CFAP299: variants seen among roughly 807,000 people sequenced by gnomAD.
CFAP299 encodes the protein cilia and flagella associated protein 299.
A neutral mutation model predicts 27.0 loss-of-function variants in CFAP299; 21 were observed. That is an observed-to-expected ratio of 0.78 (90% confidence interval 0.55 to 1.12). The LOEUF (loss-of-function observed/expected upper bound fraction) is 1.12. Among genes scored for constraint, CFAP299 ranks in the 50% most tolerant of loss-of-function variants. The probability of loss-of-function intolerance (pLI) is 0.00; values close to 1 mark genes in which losing one functional copy is unlikely to be tolerated. For synonymous variants in CFAP299, 104 were observed against 98.1 expected (o/e 1.06, Z -0.36); for missense variants, 310 against 276.6 (o/e 1.12, Z -0.86).
intron 4 of CFAP299, among the ~76,000 whole-genome samples, chr4:80,916,295 A>ATATATAT (rs1405206483): frequency 8.0e-6 from 1 of 125,570 alleles, no homozygotes; most frequent in Admixed American, 8.1e-5. Context: ...ATATATATAT[A>ATATATAT]TTTCAGGTAC....
At chr4:80,323,699 T>C in the CFAP299 span, among the ~76,000 whole-genome samples, 1 of 152,174 alleles carries the variant, frequency 6.6e-6, no homozygotes, top group Non-Finnish European at 1.5e-5. Flanking sequence ...AAGCAAATAT[T>C]TTATAAACAT....
chr4:80,501,625 A>G (rs1731750833), intron 2 of CFAP299, among the ~76,000 whole-genome samples: 1 of 150,796 alleles, frequency 6.6e-6, no homozygotes, highest in Non-Finnish European at 1.5e-5. Flanking sequence ...AAATTAGAAG[A>G]TATTTTTTCA....
intron 2 of CFAP299, 43 bp downstream of exon 2, chr4:80,362,927 A>G: frequency 6.4e-7 from 1 of 1,551,144 alleles, no homozygotes; most frequent in Non-Finnish European, 8.7e-7. Context: ...GTTATATTCT[A>G]GACCTCTGGA....
At chr4:80,374,852 C>T (rs1724325540) in intron 2 of CFAP299, among the ~76,000 whole-genome samples, 1 of 152,084 alleles carries the variant, frequency 6.6e-6, no homozygotes, top group Non-Finnish European at 1.5e-5. Context: ...CATGGCATCC[C>T]AGCTTAAAAC....
intron 2 of CFAP299, among the ~76,000 whole-genome samples, chr4:80,495,598 T>C (rs11099248): frequency 0.16 from 23,665 of 152,168 alleles, 2,804 homozygotes; most frequent in African/African-American, 0.33. Context: ...GGCCAGGCGT[T>C]TGAGATCAGC....
rs187255177 is a variant in CFAP299 at position 80,563,821 on chromosome 4, G to C, written c.243-19272G>C. ...TCTAACCAGGTAACAAAGAAAAAAAGAAAGACTATCCAAATAAATAAAATC... is the reference window on the plus strand; with the variant it reads ...TCTAACCAGGTAACAAAGAAAAAAACAAAGACTATCCAAATAAATAAAATC... On this transcript the variant is annotated intron_variant, in intron 2 of 5. Coordinates refer to ENST00000358105, the MANE Select transcript of CFAP299 (RefSeq NM_152770.3). Among the ~76,000 whole-genome samples the C allele has an allele frequency of 1.1e-3, 171 of 151,992 alleles. 1 individual carries two copies. The highest frequency in any genetic ancestry group is 2.0e-3 in the Non-Finnish European group (133 of 67,876).
chr4:80,762,945 A>G (rs943353545), intron 3 of CFAP299, among the ~76,000 whole-genome samples: 1 of 152,134 alleles, frequency 6.6e-6, no homozygotes, highest in African/African-American at 2.4e-5. Context: ...TTCTCTTTCA[A>G]ATCTTATTTT....
intron 2 of CFAP299, among the ~76,000 whole-genome samples, chr4:80,439,430 C>G (rs865941949): frequency 6.6e-6 from 1 of 152,282 alleles, no homozygotes; most frequent in Middle Eastern, 3.4e-3. Context: ...TCACCTCACC[C>G]GGGAAGCTCA....
chr4:80,502,718 T>C (rs996721167), intron 2 of CFAP299, among the ~76,000 whole-genome samples: 2 of 152,100 alleles, frequency 1.3e-5, no homozygotes, highest in Admixed American at 1.3e-4. Flanking sequence ...AAACTCACTG[T>C]GATGGTATTC....
At position 80,826,075 on chromosome 4, in the gene CFAP299, G is replaced by A. The variant is rs116267393; in HGVS notation, c.334-43918G>A. Among the ~76,000 whole-genome samples the A allele has an allele frequency of 5.6e-3, 852 of 151,888 alleles. 5 individuals are homozygous for A. Among genetic ancestry groups the A allele is most frequent in the Non-Finnish European group, 8.7e-3 (587 of 67,782 alleles). ...TATAAAGGTGTAATGTTGTGATAACGATAATGAAAGGAGTGAGGATGAAAC... is the reference window on the plus strand; with the variant it reads ...TATAAAGGTGTAATGTTGTGATAACAATAATGAAAGGAGTGAGGATGAAAC... On this transcript the variant is annotated intron_variant, in intron 3 of 5. Coordinates refer to ENST00000358105, the MANE Select transcript of CFAP299 (RefSeq NM_152770.3).
At chr4:80,444,161 G>A (rs1160224429) in intron 2 of CFAP299, among the ~76,000 whole-genome samples, 1 of 152,036 alleles carries the variant, frequency 6.6e-6, no homozygotes, top group Non-Finnish European at 1.5e-5. Flanking sequence ...AGTTTCTTTA[G>A]AGAATTAGAA....
chr4:80,877,232 C>T (rs1733427999), intron 4 of CFAP299, among the ~76,000 whole-genome samples: 1 of 152,118 alleles, frequency 6.6e-6, no homozygotes, highest in Non-Finnish European at 1.5e-5. Flanking sequence ...AATTCTTTTA[C>T]AGATAAATTT....
chr4:80,805,644 G>A (rs1019206234), intron 3 of CFAP299, among the ~76,000 whole-genome samples: 5 of 152,020 alleles, frequency 3.3e-5, no homozygotes, highest in African/African-American at 1.2e-4. Context: ...AGGAGTTCAA[G>A]ACTAGCGTGG....
intron 2 of CFAP299, among the ~76,000 whole-genome samples, chr4:80,407,776 A>G (rs1290290637): frequency 6.6e-6 from 1 of 152,144 alleles, no homozygotes. Context: ...ATTAACCAAC[A>G]TTGTGAATTC....
At chr4:80,687,007 C>A (rs1720245611) in intron 3 of CFAP299, among the ~76,000 whole-genome samples, 1 of 152,210 alleles carries the variant, frequency 6.6e-6, no homozygotes, top group Non-Finnish European at 1.5e-5. Context: ...GCAAATGTTA[C>A]TCTTCTTCCT....
intron 2 of CFAP299, among the ~76,000 whole-genome samples, chr4:80,464,048 C>T (rs947088300): frequency 1.3e-4 from 20 of 152,024 alleles, no homozygotes; most frequent in Non-Finnish European, 1.0e-4. Flanking sequence ...CTGTCTTTGA[C>T]TAAATAACAA....
intron 4 of CFAP299, chr4:80,871,060 C>A: frequency 2.3e-6 from 1 of 427,758 alleles, no homozygotes; most frequent in Non-Finnish European, 3.1e-6. Context: ...GCACATACCA[C>A]CACGTCTGGA....
At chr4:80,443,186 TG>T (rs1388903179) in intron 2 of CFAP299, among the ~76,000 whole-genome samples, 1 of 152,188 alleles carries the variant, frequency 6.6e-6, no homozygotes, top group African/African-American at 2.4e-5. Flanking sequence ...ACTCATTTTA[TG>T]GGCCAGCGTC....
chr4:80,662,058 A>G (rs1316173158), intron 3 of CFAP299, among the ~76,000 whole-genome samples: 2 of 152,202 alleles, frequency 1.3e-5, no homozygotes, highest in Non-Finnish European at 2.9e-5. Flanking sequence ...TATCAATGAC[A>G]ATGCGTGCCC....
Sources: gnomAD v4.1 joint callset for allele counts (sites outside exome capture counted in the v4.1 genomes callset) on GRCh38, gnomAD v4.1.1 for gene constraint, MANE v1.5 for transcripts, NCBI Gene and HGNC (gene_info 2026-07-23, HGNC 2026-07-21) for gene names.